Variants in DNAH1 observed in about 807,000 individuals in gnomAD.
DNAH1 encodes the protein axonemal beta dynein heavy chain 1.
In DNAH1, 327 loss-of-function variants were observed where a neutral mutation model predicts 484.3. The observed-to-expected ratio is 0.68, with a 90% CI of 0.62 to 0.74. The LOEUF is 0.74. DNAH1 is among the 30% of genes least tolerant of loss of function. The probability of loss-of-function intolerance (pLI) is 0.00; values close to 1 mark genes in which losing one functional copy is unlikely to be tolerated. For missense variants in DNAH1, 5,052 were observed against 5,546.8 expected (o/e 0.91, Z 2.83); for synonymous variants, 2,192 against 2,191.9 (o/e 1.00, Z 0.00).
chr3:52,322,264 G>A (rs1425005409), intron 1 of DNAH1, 145 bp from the exon 2 acceptor site: 6 of 606,930 alleles, frequency 9.9e-6, no homozygotes, highest in Non-Finnish European at 1.4e-5. Context: ...CAGATTAGGA[G>A]GAGACCACTC....
At position 52,378,583 on chromosome 3, in the gene DNAH1, C is replaced by G. The variant is rs751575132; in HGVS notation, c.7199-19C>G. On this transcript the variant is annotated intron_variant, in intron 46 of 77. Transcript: ENST00000420323. ...GGAGCTCCTGGCATGTGACCCAGGCCATTCTCCTATTCCCCCAGCTGGGGC... is the reference window on the plus strand; with the variant it reads ...GGAGCTCCTGGCATGTGACCCAGGCGATTCTCCTATTCCCCCAGCTGGGGC... 1 of 1,612,500 alleles carries G rather than the reference C, an allele frequency of 6.2e-7. No homozygotes were observed. Among genetic ancestry groups the G allele is most frequent in the Admixed American group, 1.7e-5 (1 of 59,990 alleles).
At chr3:52,360,151 G>A in intron 27 of DNAH1, 72 bp downstream of exon 27, 1 of 1,600,636 alleles carries the variant, frequency 6.2e-7, no homozygotes, top group East Asian at 2.2e-5. Flanking sequence ...AGAAAAGTCA[G>A]TTAGCAATAA....
chr3:52,357,806 C>T, intron 23 of DNAH1, 71 bp downstream of exon 23: 1 of 1,574,572 alleles, frequency 6.4e-7, no homozygotes, highest in East Asian at 2.3e-5. Flanking sequence ...GGGCCCTGCT[C>T]AGGCTAGGGT....
At chr3:52,328,817 G>A (rs1701443975) in intron 6 of DNAH1, among the ~76,000 whole-genome samples, 2 of 152,214 alleles carry the variant, frequency 1.3e-5, no homozygotes, top group African/African-American at 2.4e-5. Context: ...AGTTGGAGGT[G>A]GCTGTTCCCC....
intron 6 of DNAH1, 107 bp downstream of exon 6, chr3:52,328,121 C>T: frequency 7.1e-7 from 1 of 1,408,538 alleles, no homozygotes. Context: ...GGCGAGGGGT[C>T]TTTCAAGACC....
rs755305828 is a variant in DNAH1, at chr3:52,370,193, G to A, written c.6222G>A (p.Leu2074=). The A allele has an allele frequency of 6.2e-7, 1 of 1,614,008 alleles. No homozygotes were observed. Among genetic ancestry groups the A allele is most frequent in the South Asian group, 1.1e-5 (1 of 91,076 alleles). ...ACCTGACCATGAGCCTCCTCAAGCT[G>A]CTGGACTGCTTCTTCAAGCCCTTTC... ...NCNLTMSLLK[L]LDCFFKPFLP... The change falls in exon 39 of 78, where the codon CTG becomes CTA. Residue 2074 remains leucine (L), a synonymous_variant. Coordinates refer to ENST00000420323, the MANE Select transcript of DNAH1 (RefSeq NM_015512.5).
Position 52,395,736 on chromosome 3 carries a change from T to TA in DNAH1, c.11259+60dup. 1 of 1,568,658 alleles carries TA rather than the reference T, an allele frequency of 6.4e-7. No homozygotes were observed. Among genetic ancestry groups the TA allele is most frequent in the Non-Finnish European group, 8.7e-7 (1 of 1,153,924 alleles). On this transcript the variant is annotated intron_variant, in intron 70 of 77. Coordinates refer to ENST00000420323, the MANE Select transcript of DNAH1 (RefSeq NM_015512.5). This position sits in a 1 kb window ranked among gnomAD's most constrained non-coding sequence, Gnocchi z 4.4. Reference sequence around the variant, plus strand: ...GGCCGCCTCTGCATCCATCAGGGACTAATGAGGCAGAAATAAGAGAATCAT... The same window carrying TA: ...GGCCGCCTCTGCATCCATCAGGGACTAAATGAGGCAGAAATAAGAGAATCAT...
intron 8 of DNAH1, among the ~76,000 whole-genome samples, chr3:52,337,271 T>C (rs1197778376): frequency 6.6e-6 from 1 of 152,226 alleles, no homozygotes; most frequent in South Asian, 2.1e-4. Context: ...TTTTGTACAT[T>C]GATTTTGTTT....
Position 52,324,936 on chromosome 3 carries a change from A to G in DNAH1, c.406+1056A>G, listed in dbSNP as rs570780734. The stretch of plus-strand genomic sequence containing the variant: ...CACTCTGCTGCCCGAGGGCTGGGGT[A>G]GCCTGCCCCGGCCCGCGGACGCAGC... On this transcript the variant is annotated intron_variant, in intron 3 of 77. Transcript: ENST00000420323. Among the ~76,000 whole-genome samples, 8 of 152,208 alleles carry G rather than the reference A, an allele frequency of 5.3e-5. No homozygotes were observed. In the South Asian group the frequency reaches 1.4e-3, roughly 28 times the overall value.
rs1204966796 is a variant in DNAH1 at position 52,349,178 on chromosome 3, G to C, written c.2301-17G>C. On this transcript the variant is annotated splice_polypyrimidine_tract_variant and intron_variant, in intron 13 of 77. Transcript: ENST00000420323. ...CTCACCATCCTCTGCCCCCTCCCGT[G>C]TGCTTGCTGTCCTCAGAACCTACCA... 6.2e-7 allele frequency: 1 copy of C among 1,612,574 alleles called. No individual in the cohort carries two copies. The highest frequency in any genetic ancestry group is 1.7e-5 in the Admixed American group (1 of 59,792).
At chr3:52,340,749 A>G (rs1701908139) in intron 8 of DNAH1, among the ~76,000 whole-genome samples, 1 of 152,116 alleles carries the variant, frequency 6.6e-6, no homozygotes, top group Non-Finnish European at 1.5e-5. Context: ...GTAGGATTTT[A>G]GATCTATCTT....
At chr3:52,317,689 C>CCGAT (rs1246680511) in intron 1 of DNAH1, among the ~76,000 whole-genome samples, 1 of 152,204 alleles carries the variant, frequency 6.6e-6, no homozygotes, top group Non-Finnish European at 1.5e-5. Context: ...CCTAATCCTG[C>CCGAT]CGATCGGGGC....
Position 52,357,985 on chromosome 3 carries a change from C to T in DNAH1, c.4068C>T (p.Cys1356=). 1 of 1,610,354 alleles carries T rather than the reference C, an allele frequency of 6.2e-7. No individual in the cohort carries two copies. Among genetic ancestry groups the T allele is most frequent in the Non-Finnish European group, 8.5e-7 (1 of 1,177,756 alleles). Reference sequence around the variant, plus strand: ...CCGTGCAGCCACACCTGCGCAAGTGCTTCGAGAACATCGCTCGGGTGGGCA... The same window carrying T: ...CCGTGCAGCCACACCTGCGCAAGTGTTTCGAGAACATCGCTCGGGTGGGCA... ...PTAVQPHLRK[C]FENIARLLFQ... The change falls in exon 24 of 78, where the codon TGC becomes TGT. Residue 1356 remains cysteine (C), a synonymous_variant. Transcript: ENST00000420323.
intron 37 of DNAH1, 141 bp downstream of exon 37, chr3:52,369,059 A>G: frequency 1.1e-6 from 1 of 945,154 alleles, no homozygotes; most frequent in African/African-American, 1.6e-5. Context: ...TGACTCAGCA[A>G]GAGCCCTCCT....
rs759635677 is a variant in DNAH1 at position 52,370,650 on chromosome 3, C to T, written c.6417+15C>T. On this transcript the variant is annotated intron_variant, in intron 40 of 77. Coordinates refer to ENST00000420323, the MANE Select transcript of DNAH1 (RefSeq NM_015512.5). ...AGAACGAACAGGTGAGAGCCGGCGG[C>T]CCCCAGGGACCAGGAGCCTCAGTCC... 4.4e-6 allele frequency: 7 copies of T among 1,605,248 alleles called. No individual in the cohort carries two copies. In the South Asian group the frequency reaches 4.5e-5, roughly 10 times the overall value.
Position 52,326,153 on chromosome 3 carries a change from G to A in DNAH1, c.420G>A (p.Glu140=). ...TTCTACCTGCAGTCGGAAGCTTTGAGGTTCCTGAAGACTTCCAGGAGCGCA... is the reference window on the plus strand; with the variant it reads ...TTCTACCTGCAGTCGGAAGCTTTGAAGTTCCTGAAGACTTCCAGGAGCGCA... ...DKFTPRVGSF[E]VPEDFQERME... is the part of the protein sequence containing the mutation. The change falls in exon 4 of 78, where the codon GAG becomes GAA. Residue 140 remains glutamate (E), a synonymous_variant. Transcript: ENST00000420323. 1 of 1,605,490 alleles carries A rather than the reference G, an allele frequency of 6.2e-7. No homozygotes were observed. Among genetic ancestry groups the A allele is most frequent in the South Asian group, 1.1e-5 (1 of 89,910 alleles).
chr3:52,399,326 C>A, intron 76 of DNAH1, 125 bp downstream of exon 76: 1 of 1,091,544 alleles, frequency 9.2e-7, no homozygotes, highest in Non-Finnish European at 1.3e-6. Flanking sequence ...AAGACCCAAG[C>A]CAGAAGAGGC....
chr3:52,318,743 C>T (rs940524328), intron 1 of DNAH1, among the ~76,000 whole-genome samples: 6 of 151,970 alleles, frequency 3.9e-5, no homozygotes, highest in South Asian at 2.1e-4. Flanking sequence ...CAGTTTGCAT[C>T]GGGTGAATGC....
rs766117149 is a variant in DNAH1, at chr3:52,349,256, C to T, written c.2362C>T (p.Arg788Trp). Residue 788 changes from arginine to tryptophan, a missense_variant, in exon 14 of 78, where the codon CGG (arginine) becomes TGG (tryptophan). Physicochemically the swap from Arg to Trp is moderately radical, Grantham distance 101. Coordinates refer to ENST00000420323, the MANE Select transcript of DNAH1 (RefSeq NM_015512.5). ...EVREVVLTHL[R>W]EKEILDSSLP... is the part of the protein sequence containing the mutation. Reference sequence around the variant, plus strand: ...GCGGGAGGTAGTGCTCACCCACCTGCGGGAGAAGGAGATCCTGGACAGCTC... The same window carrying T: ...GCGGGAGGTAGTGCTCACCCACCTGTGGGAGAAGGAGATCCTGGACAGCTC... 55 of 1,613,760 alleles carry T rather than the reference C, an allele frequency of 3.4e-5. No individual in the cohort carries two copies. In the East Asian group the frequency reaches 4.0e-4, roughly 12 times the overall value.
Sources: allele counts gnomAD v4.1 joint callset (sites outside exome capture counted in the v4.1 genomes callset), GRCh38; gene constraint gnomAD v4.1.1; non-coding constraint Gnocchi (gnomAD v3.1); transcripts MANE v1.5; gene names NCBI Gene and HGNC (gene_info 2026-07-23, HGNC 2026-07-21).